CFAP20DC: variants seen among roughly 807,000 people sequenced by gnomAD.
The protein encoded by CFAP20DC is CFAP20 domain containing, also known as protein CFAP20DC.
In CFAP20DC, 84 loss-of-function variants were observed where a neutral mutation model predicts 101.7. The observed-to-expected ratio is 0.83, with a 90% CI of 0.69 to 0.99. The LOEUF (loss-of-function observed/expected upper bound fraction) is 0.99. Among genes scored for constraint, CFAP20DC ranks in the 50% least tolerant of loss-of-function variants. The pLI is 0.00. For synonymous variants in CFAP20DC, 359 were observed against 351.2 expected, an observed-to-expected ratio of 1.02 and a Z score of -0.25; for missense variants, 1,007 against 970.3, an observed-to-expected ratio of 1.04 and a Z score of -0.50.
chr3:58,787,457 T>C (rs947141871), intron 15 of CFAP20DC, among the ~76,000 whole-genome samples: 1 of 151,800 alleles, frequency 6.6e-6, no homozygotes, highest in Non-Finnish European at 1.5e-5. Flanking sequence ...ACCTGCACAA[T>C]GTGCACATGT....
chr3:58,818,851 C>T (rs2075398095), intron 14 of CFAP20DC, among the ~76,000 whole-genome samples: 1 of 131,836 alleles, frequency 7.6e-6, no homozygotes, highest in Non-Finnish European at 1.6e-5. Flanking sequence ...TTTTTCAGCA[C>T]CACACCACAC....
At chr3:58,920,427 G>A (rs1283226681) in intron 5 of CFAP20DC, among the ~76,000 whole-genome samples, 1 of 152,040 alleles carries the variant, frequency 6.6e-6, no homozygotes, top group African/African-American at 2.4e-5. Flanking sequence ...TCCCATCTTA[G>A]GGAGTAAGCA....
chr3:58,735,423 GA>G (rs748310211), intron 3 of CFAP20DC, among the ~76,000 whole-genome samples: 8 of 152,216 alleles, frequency 5.3e-5, no homozygotes, highest in Non-Finnish European at 1.2e-4. Flanking sequence ...GCCCACAAAT[GA>G]AATCCATCAA....
At chr3:58,775,637 T>C (rs1312543672) in intron 15 of CFAP20DC, among the ~76,000 whole-genome samples, 4 of 152,104 alleles carry the variant, frequency 2.6e-5, no homozygotes, top group African/African-American at 9.7e-5. Flanking sequence ...TGGTATATAG[T>C]AGTCACTCAA....
chr3:59,037,036 A>T (rs1159286393), intron 4 of CFAP20DC, among the ~76,000 whole-genome samples: 1 of 152,240 alleles, frequency 6.6e-6, no homozygotes, highest in Non-Finnish European at 1.5e-5. Flanking sequence ...TGGGGAAAGG[A>T]TTCCCTATTT....
intron 6 of CFAP20DC, among the ~76,000 whole-genome samples, chr3:58,909,491 C>G (rs533630614): frequency 1.3e-5 from 2 of 152,124 alleles, no homozygotes; most frequent in Non-Finnish European, 1.5e-5. Context: ...ATTAGCACTA[C>G]AACACCACAA....
At chr3:59,020,452 A>G (rs2093780690) in intron 4 of CFAP20DC, among the ~76,000 whole-genome samples, 2 of 152,094 alleles carry the variant, frequency 1.3e-5, no homozygotes, top group Admixed American at 6.6e-5. Flanking sequence ...TCTAGAACAC[A>G]ATAGGTGCTC....
At chr3:58,717,015 A>T (rs1559521647), downstream of CFAP20DC, among the ~76,000 whole-genome samples, 1 of 151,778 alleles carries the variant, frequency 6.6e-6, no homozygotes, top group Non-Finnish European at 1.5e-5. The surrounding 1 kb of genome is among the most constrained non-coding windows in gnomAD (Gnocchi z 4.1). Context: ...TTTAACTAAG[A>T]TGAAAGGCCC....
At chr3:58,876,092 T>C (rs1420259744) in intron 7 of CFAP20DC, among the ~76,000 whole-genome samples, 1 of 152,156 alleles carries the variant, frequency 6.6e-6, no homozygotes, top group South Asian at 2.1e-4. Context: ...ATTTTGCACA[T>C]TTGGTACACT....
chr3:58,761,885 C>T (rs2069644027), intron 15 of CFAP20DC, among the ~76,000 whole-genome samples: 2 of 152,108 alleles, frequency 1.3e-5, no homozygotes, highest in South Asian at 2.1e-4. Flanking sequence ...AGTTTGATTG[C>T]ACTGTGGTCT....
At chr3:58,855,682 G>T (rs1362018122) in intron 12 of CFAP20DC, among the ~76,000 whole-genome samples, 2 of 152,038 alleles carry the variant, frequency 1.3e-5, no homozygotes, top group African/African-American at 2.4e-5. Flanking sequence ...CATGTCCTTT[G>T]TAGGGACATG....
rs28522900 is a variant in CFAP20DC, at chr3:58,868,108, C to A, written c.1016-172G>T. On this transcript the variant is annotated intron_variant, in intron 9 of 16. Coordinates refer to ENST00000482387, the MANE Select transcript of CFAP20DC (RefSeq NM_001394063.1). The surrounding 1 kb of genome is among the most constrained non-coding windows in gnomAD (Gnocchi z 4.6). ...AGAAAATAGGCATTTATTCCTATTC[C>A]GATATTGGGATCCTATCAGGCTTTC... Among the ~76,000 whole-genome samples the A allele has an allele frequency of 0.1, 15,246 of 151,986 alleles. 1,296 individuals are homozygous for A. Among genetic ancestry groups the A allele is most frequent in the East Asian group, 0.35 (1,815 of 5,164 alleles).
At chr3:58,832,602 A>C (rs1010489890) in intron 13 of CFAP20DC, among the ~76,000 whole-genome samples, 4 of 152,198 alleles carry the variant, frequency 2.6e-5, no homozygotes, top group Non-Finnish European at 5.9e-5. Flanking sequence ...AAAGCCATCA[A>C]GTAAAATTTG....
intron 4 of CFAP20DC, among the ~76,000 whole-genome samples, chr3:58,958,527 T>C (rs1236179149): frequency 1.5e-4 from 23 of 152,184 alleles, no homozygotes. Context: ...GTTTTCACTG[T>C]TCATAGGTAC....
At chr3:58,938,542 C>T (rs2088038042) in intron 4 of CFAP20DC, among the ~76,000 whole-genome samples, 2 of 152,038 alleles carry the variant, frequency 1.3e-5, no homozygotes, top group Admixed American at 6.6e-5. Context: ...GATTTTTCCC[C>T]GTTATTAGGG....
In CFAP20DC at chr3:58,981,439, C is replaced by G. The variant is rs2092540381; in HGVS notation, c.279-43677G>C. On this transcript the variant is annotated intron_variant, in intron 4 of 16. Transcript: ENST00000482387. ...AAAGAACAAAGCCGGAGGCATCACA[C>G]TACCTGACTTCAAACTATACTACAA... is the stretch of plus-strand genomic sequence containing the variant. 1.3e-5 allele frequency among the ~76,000 whole-genome samples: 2 copies of G among 152,186 alleles called. 1 individual carries two copies. Among genetic ancestry groups the G allele is most frequent in the South Asian group, 4.1e-4 (2 of 4,826 alleles).
At chr3:58,933,730 C>G (rs1335457387) in intron 5 of CFAP20DC, among the ~76,000 whole-genome samples, 2 of 151,440 alleles carry the variant, frequency 1.3e-5, no homozygotes, top group Non-Finnish European at 3.0e-5. Context: ...CCAATGAGAA[C>G]AAAGACACAA....
intron 11 of CFAP20DC, among the ~76,000 whole-genome samples, chr3:58,865,425 A>C (rs1192416101): frequency 6.6e-6 from 1 of 152,146 alleles, no homozygotes; most frequent in Non-Finnish European, 1.5e-5. Flanking sequence ...CCTAGAGAAA[A>C]CCTACTAGGG....
intron 15 of CFAP20DC, among the ~76,000 whole-genome samples, chr3:58,777,163 C>T (rs1418273844): frequency 6.6e-6 from 1 of 152,210 alleles, no homozygotes; most frequent in Non-Finnish European, 1.5e-5. Context: ...AAATGCATAT[C>T]TAACTGCTTT....
Sources: gnomAD v4.1 joint callset for allele counts (sites outside exome capture counted in the v4.1 genomes callset) on GRCh38, gnomAD v4.1.1 for gene constraint, Gnocchi (gnomAD v3.1) non-coding constraint, MANE v1.5 for transcripts, NCBI Gene and HGNC (gene_info 2026-07-23, HGNC 2026-07-21) for gene names.